SLCO3A1: variants seen among roughly 807,000 people sequenced by gnomAD.
The protein encoded by SLCO3A1 is solute carrier organic anion transporter family member 3A1, also known as PGE1 transporter.
SLCO3A1 carries 27 observed loss-of-function variants against 63.1 expected under a neutral mutation model. The ratio of observed to expected loss-of-function variants is 0.43; its 90% CI spans 0.32 to 0.59. The LOEUF is 0.59. SLCO3A1 is among the 20% of genes least tolerant of loss of function. The pLI, the probability that SLCO3A1 is intolerant of heterozygous loss-of-function variation, is 0.09. For synonymous variants in SLCO3A1, 473 were observed against 409.9 expected (o/e 1.15, Z -1.86); for missense variants, 773 against 945.8 (o/e 0.82, Z 2.40).
At chr15:92,105,227 T>C (rs1001675952) in intron 4 of SLCO3A1, among the ~76,000 whole-genome samples, 2 of 152,068 alleles carry the variant, frequency 1.3e-5, no homozygotes, top group Admixed American at 1.3e-4. Flanking sequence ...TGAGCCAAGA[T>C]TGAGCCACTG....
At chr15:92,004,135 A>T (rs2046287071) in intron 2 of SLCO3A1, among the ~76,000 whole-genome samples, 1 of 152,178 alleles carries the variant, frequency 6.6e-6, no homozygotes, top group African/African-American at 2.4e-5. Flanking sequence ...CGTAAGTATC[A>T]GCTTTAACAT....
rs1401635579 is a variant in SLCO3A1 at position 92,163,885 on chromosome 15, T to A, written c.*750T>A. ...CAGGTGGGGGGCCAGCACCTCCCAG[T>A]GGCGGGCATCCACCTTCCCCCAGCC... On this transcript the variant is annotated 3_prime_UTR_variant, in exon 10 of 10. Coordinates refer to ENST00000318445, the MANE Select transcript of SLCO3A1 (RefSeq NM_013272.4). 2.0e-6 allele frequency: 2 copies of A among 985,498 alleles called. No individual in the cohort carries two copies. The highest frequency in any genetic ancestry group is 2.4e-6 in the Non-Finnish European group (2 of 830,084). 61.0% of individuals were successfully genotyped at this position (985,498 alleles called of 1,614,324 possible).
At chr15:91,994,215 A>G (rs4932596) in intron 2 of SLCO3A1, among the ~76,000 whole-genome samples, 46,856 of 152,126 alleles carry the variant, frequency 0.31, 7,829 homozygotes, top group African/African-American at 0.42. Context: ...TTTGCAAATA[A>G]TAACCCATGA....
intron 2 of SLCO3A1, among the ~76,000 whole-genome samples, chr15:91,997,305 T>C (rs749000603): frequency 2.1e-4 from 32 of 152,060 alleles, no homozygotes; most frequent in Non-Finnish European, 3.7e-4. Flanking sequence ...ACCGTGGAGG[T>C]GAAAGATCTC....
intron 2 of SLCO3A1, among the ~76,000 whole-genome samples, chr15:91,957,389 G>A (rs564961048): frequency 1.5e-4 from 22 of 151,136 alleles, no homozygotes; most frequent in African/African-American, 3.4e-4. Flanking sequence ...CAAAGCCTCC[G>A]GTGCTTCACT....
intron 4 of SLCO3A1, among the ~76,000 whole-genome samples, chr15:92,113,731 TTAGA>T (rs1407074532): frequency 2.0e-5 from 3 of 152,146 alleles, no homozygotes; most frequent in Non-Finnish European, 2.9e-5. Context: ...GCACTTGCTT[TTAGA>T]AGACTCCCAG....
intron 2 of SLCO3A1, among the ~76,000 whole-genome samples, chr15:92,022,435 C>T (rs1035852562): frequency 1.3e-5 from 2 of 152,194 alleles, no homozygotes; most frequent in Non-Finnish European, 2.9e-5. Context: ...AATCTATGAC[C>T]TTAGCCCACT....
chr15:92,040,550 C>A (rs866602402), intron 2 of SLCO3A1, among the ~76,000 whole-genome samples: 20 of 152,184 alleles, frequency 1.3e-4, no homozygotes, highest in South Asian at 4.1e-4. Flanking sequence ...GATGATGCAA[C>A]TATAAATCCA....
rs753915203 is a variant in SLCO3A1 at position 91,954,799 on chromosome 15, G to A, written c.646+38341G>A. 6.6e-6 allele frequency among the ~76,000 whole-genome samples: 1 copy of A among 152,088 alleles called. No homozygotes were observed. The highest frequency in any genetic ancestry group is 2.4e-5 in the African/African-American group (1 of 41,402). On this transcript the variant is annotated intron_variant, in intron 2 of 9. Transcript: ENST00000318445. The surrounding 1 kb of genome is among the most constrained non-coding windows in gnomAD (Gnocchi z 4.7). Reference sequence around the variant, plus strand: ...TCCAACAGCAAGGATCCGAGGGGAAGGAGTCCATCACTGGCCTAGACACCA... The same window carrying A: ...TCCAACAGCAAGGATCCGAGGGGAAAGAGTCCATCACTGGCCTAGACACCA...
intron 2 of SLCO3A1, among the ~76,000 whole-genome samples, chr15:92,073,388 G>A (rs1413391852): frequency 6.6e-6 from 1 of 152,208 alleles, no homozygotes; most frequent in African/African-American, 2.4e-5. Context: ...TCACAGAAGG[G>A]TTGGTTCCTG....
chr15:92,098,936 C>T (rs1008936051), intron 3 of SLCO3A1, among the ~76,000 whole-genome samples: 1 of 152,228 alleles, frequency 6.6e-6, no homozygotes, highest in African/African-American at 2.4e-5. Context: ...ACAGTTTCCA[C>T]AGCTAGGGAT....
intron 1 of SLCO3A1, among the ~76,000 whole-genome samples, chr15:91,889,914 G>A (rs567742707): frequency 3.9e-4 from 60 of 152,296 alleles, no homozygotes; most frequent in African/African-American, 1.2e-3. Flanking sequence ...AGTCTAGTCC[G>A]CGTATCCTAG....
At chr15:92,141,952 G>A (rs544422145) in intron 7 of SLCO3A1, among the ~76,000 whole-genome samples, 1 of 152,208 alleles carries the variant, frequency 6.6e-6, no homozygotes, top group African/African-American at 2.4e-5. Context: ...CTCCCCATGT[G>A]TGGGACCACC....
chr15:92,139,156 A>T (rs1212671371), intron 7 of SLCO3A1, among the ~76,000 whole-genome samples: 1 of 151,376 alleles, frequency 6.6e-6, no homozygotes, highest in Non-Finnish European at 1.5e-5. Context: ...TCCCATCAAT[A>T]CCTGATTTAT....
chr15:91,947,861 C>A (rs1284223486), intron 2 of SLCO3A1, among the ~76,000 whole-genome samples: 2 of 152,184 alleles, frequency 1.3e-5, no homozygotes, highest in Non-Finnish European at 2.9e-5. Flanking sequence ...CTGTACACTG[C>A]AGAGTGCTGT....
At chr15:91,867,348 T>G (rs1159821446) in intron 1 of SLCO3A1, among the ~76,000 whole-genome samples, 1 of 152,214 alleles carries the variant, frequency 6.6e-6, no homozygotes, top group African/African-American at 2.4e-5. Context: ...ACTGGAATGC[T>G]GTGCTCACCA....
chr15:92,131,831 G>A (rs1339266904), intron 7 of SLCO3A1, among the ~76,000 whole-genome samples: 1 of 146,010 alleles, frequency 6.8e-6, no homozygotes, highest in Non-Finnish European at 1.5e-5. Flanking sequence ...GCCTTCTCCA[G>A]CTCATTGCTT....
chr15:92,157,594 G>A (rs201689129), intron 9 of SLCO3A1, among the ~76,000 whole-genome samples: 10 of 151,692 alleles, frequency 6.6e-5, no homozygotes, highest in Admixed American at 3.3e-4. Flanking sequence ...AGGTTCAAGC[G>A]ATTCTCCTGC....
At chr15:92,022,231 G>T (rs2046517841) in intron 2 of SLCO3A1, among the ~76,000 whole-genome samples, 1 of 152,176 alleles carries the variant, frequency 6.6e-6, no homozygotes, top group Non-Finnish European at 1.5e-5. Context: ...ATTATTTTTA[G>T]CCTCCAGCTA....
Sources: allele counts gnomAD v4.1 joint callset (sites outside exome capture counted in the v4.1 genomes callset), GRCh38; gene constraint gnomAD v4.1.1; non-coding constraint Gnocchi (gnomAD v3.1); transcripts MANE v1.5; gene names NCBI Gene and HGNC (gene_info 2026-07-23, HGNC 2026-07-21).